The following ZNF91 variants were observed in gnomAD, a reference collection of about 807,000 sequenced individuals.
The protein encoded by ZNF91 is zinc finger protein 91, also known as zinc finger protein 91 (HPF7, HTF10).
ZNF91 carries 7 observed loss-of-function variants against 12.6 expected under a neutral mutation model. The observed-to-expected ratio is 0.55, with a 90% CI of 0.31 to 1.04. The LOEUF (loss-of-function observed/expected upper bound fraction) is 1.04, where lower values mean the gene tolerates loss of function less well. Ranked by LOEUF, ZNF91 falls within the 50% of genes least tolerant of loss-of-function variation. ZNF91 has a pLI of 0.05. For missense variants in ZNF91, 1,217 were observed against 1,385.4 expected (o/e 0.88, Z 1.93); for synonymous variants, 453 against 462.6 (o/e 0.98, Z 0.27).
chr19:23,340,784 C>G (rs962974716), intron 3 of ZNF91, among the ~76,000 whole-genome samples: 4 of 149,840 alleles, frequency 2.7e-5, no homozygotes, highest in Non-Finnish European at 5.9e-5. Flanking sequence ...GGAAATCAAA[C>G]TAAAAGTTTT....
chr19:23,381,462 CTTTTT>C (rs201511156), intron 1 of ZNF91, among the ~76,000 whole-genome samples: 2 of 137,746 alleles, frequency 1.5e-5, no homozygotes, highest in South Asian at 2.3e-4. Flanking sequence ...TTTTCTTTCT[CTTTTT>C]TTTTTTTTTT....
intron 1 of ZNF91, among the ~76,000 whole-genome samples, chr19:23,386,488 A>G (rs1484072627): frequency 6.6e-6 from 1 of 152,190 alleles, no homozygotes; most frequent in Admixed American, 6.5e-5. Context: ...CAGAATAGGG[A>G]GCCCAGAAAT....
chr19:23,373,345 CTT>C (rs1491378895), intron 3 of ZNF91, among the ~76,000 whole-genome samples: 24 of 84,006 alleles, frequency 2.9e-4, no homozygotes, highest in South Asian at 1.7e-3. Context: ...ATCATGTAAT[CTT>C]ATATATATAT....
chr19:23,305,617 CCA>C (rs1483208192), intron 3 of ZNF91, among the ~76,000 whole-genome samples: 4 of 152,194 alleles, frequency 2.6e-5, no homozygotes, highest in African/African-American at 9.7e-5. Context: ...CCAGGTGACT[CCA>C]GTCAGCCGAT....
At chr19:23,314,976 A>G (rs2145847906), upstream of ZNF91, among the ~76,000 whole-genome samples, 1 of 152,304 alleles carries the variant, frequency 6.6e-6, no homozygotes, top group East Asian at 1.9e-4. Flanking sequence ...CATATACGTC[A>G]GCCCACCTAT....
At chr19:23,329,336 T>C (rs1967888310) in intron 1 of ZNF91, among the ~76,000 whole-genome samples, 1 of 152,134 alleles carries the variant, frequency 6.6e-6, no homozygotes, top group African/African-American at 2.4e-5. Flanking sequence ...ACTCTCAGGA[T>C]GGCTTAAGCC....
intron 1 of ZNF91, among the ~76,000 whole-genome samples, chr19:23,330,188 G>C (rs377244857): frequency 2.0e-5 from 3 of 152,022 alleles, no homozygotes; most frequent in African/African-American, 4.8e-5. Flanking sequence ...AAAATCAGCC[G>C]GGTGTTGGGG....
rs370612117 is a variant in ZNF91 at position 23,349,686 on chromosome 19, G to A, written c.254-10632C>T. Among the ~76,000 whole-genome samples, 17 of 152,026 alleles carry A rather than the reference G, an allele frequency of 1.1e-4. No individual in the cohort carries two copies. In the East Asian group the frequency reaches 1.2e-3, roughly 11 times the overall value. On this transcript the variant is annotated intron_variant, in intron 3 of 3. Coordinates refer to the ZNF91 transcript ENST00000599743. Reference sequence around the variant, plus strand: ...TGGACAGGCCCCTACACTGTGATACGCAGCATGCCAACTGCAGTGAGAGTC... The same window carrying A: ...TGGACAGGCCCCTACACTGTGATACACAGCATGCCAACTGCAGTGAGAGTC...
upstream of ZNF91, among the ~76,000 whole-genome samples, chr19:23,315,106 A>C (rs1323678943): frequency 6.6e-6 from 1 of 152,210 alleles, no homozygotes; most frequent in Non-Finnish European, 1.5e-5. Flanking sequence ...CTCAGGGGTC[A>C]GGTATTGCTG....
At chr19:23,331,540 G>A (rs528910579) in intron 1 of ZNF91, among the ~76,000 whole-genome samples, 3 of 152,314 alleles carry the variant, frequency 2.0e-5, no homozygotes, top group Admixed American at 2.0e-4. Flanking sequence ...ATGAGAGTGT[G>A]TGTGTATGTT....
At chr19:23,342,994 C>G (rs1312280031) in intron 3 of ZNF91, among the ~76,000 whole-genome samples, 1 of 151,996 alleles carries the variant, frequency 6.6e-6, no homozygotes, top group African/African-American at 2.4e-5. Flanking sequence ...TGGAATTATC[C>G]AATAAAATAT....
chr19:23,391,735 TTG>T (rs1970069929), intron 1 of ZNF91, among the ~76,000 whole-genome samples: 2 of 152,072 alleles, frequency 1.3e-5, no homozygotes, highest in African/African-American at 4.8e-5. Context: ...GCTCTGTAGA[TTG>T]TCTCAGTATA....
chr19:23,326,222 A>G (rs1456618127), intron 1 of ZNF91: 1 of 152,158 alleles, frequency 6.6e-6, no homozygotes, highest in Non-Finnish European at 1.5e-5. Flanking sequence ...TGTCTGCTGT[A>G]ATTTATCTGT....
intron 1 of ZNF91, chr19:23,309,102 C>T (rs933438320): frequency 4.8e-5 from 3 of 62,114 alleles, no homozygotes; most frequent in East Asian, 9.6e-4. Flanking sequence ...TGGGCCCTGC[C>T]AAAAAAAAAA....
chr19:23,370,983 C>T (rs1969253577), intron 3 of ZNF91, among the ~76,000 whole-genome samples: 1 of 151,958 alleles, frequency 6.6e-6, no homozygotes, highest in East Asian at 1.9e-4. Context: ...CATCATTAAA[C>T]ACATGGTGAA....
intron 3 of ZNF91, among the ~76,000 whole-genome samples, chr19:23,370,231 C>A (rs988881014): frequency 5.4e-5 from 8 of 149,116 alleles, no homozygotes; most frequent in African/African-American, 7.4e-5. Flanking sequence ...TAAAAAAAAA[C>A]ACAAAAAACT....
intron 3 of ZNF91, among the ~76,000 whole-genome samples, chr19:23,365,215 TA>T (rs1346674567): frequency 1.4e-4 from 22 of 151,786 alleles, no homozygotes; most frequent in African/African-American, 5.3e-4. Flanking sequence ...GATTTAAATT[TA>T]TTTCACTTTA....
intron 1 of ZNF91, among the ~76,000 whole-genome samples, chr19:23,333,586 G>A (rs747281512): frequency 1.3e-5 from 2 of 152,170 alleles, no homozygotes; most frequent in African/African-American, 2.4e-5. Flanking sequence ...ATTCTTTTAT[G>A]AGGGTGCCTG....
At chr19:23,382,049 C>CAAAAAAA (rs60814223) in intron 1 of ZNF91, among the ~76,000 whole-genome samples, 17 of 79,374 alleles carry the variant, frequency 2.1e-4, no homozygotes, top group East Asian at 5.0e-4. Context: ...AATCCTGAGA[C>CAAAAAAA]AAAAAAAAAA....
Sources: gnomAD v4.1 joint callset for allele counts (sites outside exome capture counted in the v4.1 genomes callset) on GRCh38, gnomAD v4.1.1 for gene constraint, MANE v1.5 for transcripts, NCBI Gene and HGNC (gene_info 2026-07-23, HGNC 2026-07-21) for gene names.